Variants in WDR27 observed in about 807,000 individuals in gnomAD.
WDR27 encodes WD repeat-containing protein 27.
A neutral mutation model predicts 114.4 loss-of-function variants in WDR27; 100 were observed. That is an observed-to-expected ratio of 0.87 (90% CI 0.74 to 1.03). The LOEUF (loss-of-function observed/expected upper bound fraction) is 1.03. WDR27 is among the 50% of genes least tolerant of loss of function. The probability of loss-of-function intolerance (pLI) is 0.00; values close to 1 mark genes in which losing one functional copy is unlikely to be tolerated. For synonymous variants in WDR27, 449 were observed against 423.1 expected, an observed-to-expected ratio of 1.06 and a Z score of -0.75; for missense variants, 1,129 against 1,092.9, an observed-to-expected ratio of 1.03 and a Z score of -0.47.
At chr6:169,520,020 T>C (rs1272228121) in intron 25 of WDR27, among the ~76,000 whole-genome samples, 5 of 152,006 alleles carry the variant, frequency 3.3e-5, no homozygotes, top group Non-Finnish European at 7.4e-5. Flanking sequence ...CCTAAACCCC[T>C]GGGAAGCATC....
chr6:169,448,871 G>A, the WDR27 span, among the ~76,000 whole-genome samples: 485 of 152,250 alleles, frequency 3.2e-3, 3 homozygotes, highest in African/African-American at 0.011. Context: ...AGCAGAGCCC[G>A]GCCCACCCTT....
At chr6:169,686,035 G>C (rs141169824) in intron 2 of WDR27, among the ~76,000 whole-genome samples, 189 of 152,274 alleles carry the variant, frequency 1.2e-3, no homozygotes, top group African/African-American at 4.4e-3. Context: ...GGAGAGAACT[G>C]GTTGCTATAT....
chr6:169,629,695 G>A (rs1815811426), intron 21 of WDR27, among the ~76,000 whole-genome samples: 1 of 152,110 alleles, frequency 6.6e-6, no homozygotes, highest in South Asian at 2.1e-4. Flanking sequence ...GGGAGGCCGA[G>A]ACAGGCAGAT....
intron 25 of WDR27, among the ~76,000 whole-genome samples, chr6:169,556,260 T>C (rs1798873663): frequency 1.3e-5 from 2 of 152,070 alleles, no homozygotes. Flanking sequence ...CACAAGGAAT[T>C]AAAATCTGCC....
intron 22 of WDR27, among the ~76,000 whole-genome samples, chr6:169,609,916 C>A (rs868529104): frequency 2.0e-4 from 31 of 152,318 alleles, no homozygotes; most frequent in African/African-American, 7.5e-4. Flanking sequence ...GAAATTTCTT[C>A]CACCAGATAC....
chr6:169,688,681 T>C (rs914366636), intron 2 of WDR27, 136 bp downstream of exon 2: 2 of 405,450 alleles, frequency 4.9e-6, no homozygotes, highest in African/African-American at 4.1e-5. Context: ...AAAATATATA[T>C]AATGTTTTTA....
At chr6:169,616,331 T>C (rs1392798099) in intron 21 of WDR27, among the ~76,000 whole-genome samples, 1 of 151,902 alleles carries the variant, frequency 6.6e-6, no homozygotes, top group Non-Finnish European at 1.5e-5. Context: ...CTACTAAAAA[T>C]ACAAAAATTA....
In WDR27 at chr6:169,662,264, GTTTCC is replaced by G; in HGVS notation, c.1025+35_1025+39del. On this transcript the variant is annotated intron_variant, in intron 9 of 25. Transcript: ENST00000448612. Reference sequence around the variant, plus strand: ...AATGTTCATCTAAGGAATTTAAGAGGTTTCCTTTATGTGGCATAGGCAAAGTTTTT... The same window carrying G: ...AATGTTCATCTAAGGAATTTAAGAGGTTTATGTGGCATAGGCAAAGTTTTT... 3 of 1,597,058 alleles carry G rather than the reference GTTTCC, an allele frequency of 1.9e-6. No homozygotes were observed. The South Asian group carries it at 3.3e-5, about 18-fold the overall frequency.
intron 25 of WDR27, among the ~76,000 whole-genome samples, chr6:169,461,208 G>C (rs1392880864): frequency 2.0e-5 from 3 of 152,012 alleles, no homozygotes; most frequent in Non-Finnish European, 4.4e-5. Flanking sequence ...TCTAATAATG[G>C]ATAGGACAAC....
At chr6:169,670,450 T>C (rs1778402624) in intron 4 of WDR27, 119 bp downstream of exon 4, 1 of 1,137,196 alleles carries the variant, frequency 8.8e-7, no homozygotes, top group South Asian at 1.7e-5. Flanking sequence ...AAATTGAAGA[T>C]ATAGCTTAAA....
chr6:169,672,538 T>A, intron 2 of WDR27, 142 bp from the exon 3 acceptor site: 1 of 935,832 alleles, frequency 1.1e-6, no homozygotes, highest in Non-Finnish European at 1.5e-6. Flanking sequence ...ATTCATTTGT[T>A]AAAATCCCTG....
chr6:169,523,917 A>G (rs559152688), intron 25 of WDR27, among the ~76,000 whole-genome samples: 4 of 152,314 alleles, frequency 2.6e-5, no homozygotes, highest in African/African-American at 9.6e-5. Context: ...TGTTTTTTCC[A>G]CATAGTCCTG....
chr6:169,693,745 A>G (rs1392550786), intron 1 of WDR27, among the ~76,000 whole-genome samples: 1 of 152,208 alleles, frequency 6.6e-6, no homozygotes, highest in African/African-American at 2.4e-5. Flanking sequence ...AAAAAGACAA[A>G]GAGGGACATT....
At chr6:169,563,535 G>A (rs1799975920) in intron 25 of WDR27, among the ~76,000 whole-genome samples, 2 of 152,180 alleles carry the variant, frequency 1.3e-5, no homozygotes, top group Non-Finnish European at 2.9e-5. Context: ...TAAAAGAAAA[G>A]CTGTATTCGA....
At chr6:169,663,015 C>T (rs969701870) in intron 8 of WDR27, among the ~76,000 whole-genome samples, 3 of 151,180 alleles carry the variant, frequency 2.0e-5, no homozygotes, top group African/African-American at 7.3e-5. Flanking sequence ...GATCACGCGT[C>T]GAGGAAAGCA....
chr6:169,486,153 GTT>G lies in WDR27; in HGVS notation c.2646-28521_2646-28520del, dbSNP rs566399786. ...CACATGTACCCCTGAACTTAAAAAG[GTT>G]TTTTTTTTTTGTAAGAAAAATACCA... On this transcript the variant is annotated intron_variant, in intron 25 of 25. Transcript: ENST00000448612. 2.1e-3 allele frequency among the ~76,000 whole-genome samples: 301 copies of G among 144,674 alleles called. 2 individuals carry two copies. Among genetic ancestry groups the G allele is most frequent in the Middle Eastern group, 0.014 (4 of 286 alleles). The allele number at this position is 144,674 out of a possible 152,430, so 94.9% of individuals were successfully genotyped here. A position where few individuals can be genotyped will look rare whatever the true frequency, so the allele number is the denominator to read the frequency against.
At chr6:169,666,496 G>C (rs1256523422) in intron 6 of WDR27, 1 of 985,362 alleles carries the variant, frequency 1.0e-6, no homozygotes, top group Admixed American at 6.1e-5. Context: ...GGAGCAAAGC[G>C]AATGCAGGAA....
At chr6:169,514,544 G>GA (rs1008531161) in intron 25 of WDR27, among the ~76,000 whole-genome samples, 8 of 28,644 alleles carry the variant, frequency 2.8e-4, no homozygotes, top group African/African-American at 4.6e-4. Context: ...ATATTTGGGG[G>GA]AAAAATATAT....
At chr6:169,665,255 T>C (rs1457174073) in intron 7 of WDR27, 1 of 1,298,548 alleles carries the variant, frequency 7.7e-7, no homozygotes, top group Non-Finnish European at 9.8e-7. Flanking sequence ...GAACCACGCA[T>C]GGAGCTCTGG....
Sources: gnomAD v4.1 joint callset for allele counts (sites outside exome capture counted in the v4.1 genomes callset) on GRCh38, gnomAD v4.1.1 for gene constraint, MANE v1.5 for transcripts, NCBI Gene and HGNC (gene_info 2026-07-23, HGNC 2026-07-21) for gene names.